The following APBB2 variants were observed in gnomAD, a reference collection of about 807,000 sequenced individuals.
APBB2 encodes Fe65-like 1.
Under a neutral mutation model 82.5 loss-of-function variants are expected in APBB2, and 38 were observed. That is an observed-to-expected ratio of 0.46 (90% confidence interval 0.36 to 0.60). The LOEUF is 0.60. Ranked by LOEUF, APBB2 falls within the 20% of genes least tolerant of loss-of-function variation. The pLI is 0.00. For missense variants in APBB2, 772 were observed against 972.3 expected (o/e 0.79, Z 2.74); for synonymous variants, 341 against 368.2 (o/e 0.93, Z 0.85).
At chr4:40,910,888 A>C (rs556743822) in intron 10 of APBB2, among the ~76,000 whole-genome samples, 8 of 152,374 alleles carry the variant, frequency 5.3e-5, no homozygotes, top group African/African-American at 1.7e-4. Context: ...TGTGGATTCA[A>C]GGGGCTGTGA....
At chr4:41,037,136 T>C (rs1010673927) in intron 4 of APBB2, among the ~76,000 whole-genome samples, 1 of 152,212 alleles carries the variant, frequency 6.6e-6, no homozygotes, top group Non-Finnish European at 1.5e-5. Context: ...TTGGAAAACA[T>C]TTAAGTAGGT....
intron 12 of APBB2, chr4:40,848,966 G>C: frequency 1.1e-6 from 1 of 944,610 alleles, no homozygotes; most frequent in Non-Finnish European, 1.3e-6. Context: ...ATGCGAGCAA[G>C]AACCTTTCTG....
At chr4:41,090,125 A>T (rs1335880116) in intron 3 of APBB2, among the ~76,000 whole-genome samples, 1 of 152,198 alleles carries the variant, frequency 6.6e-6, no homozygotes, top group Non-Finnish European at 1.5e-5. Context: ...AGAAGACATA[A>T]TTTAAAAGAA....
chr4:40,830,632 T>A, intron 12 of APBB2, 55 bp from the exon 13 acceptor site: 1 of 1,046,310 alleles, frequency 9.6e-7, no homozygotes, highest in Non-Finnish European at 1.5e-6. Flanking sequence ...TACCAACACA[T>A]ACTTTAGTTA....
intron 1 of APBB2, among the ~76,000 whole-genome samples, chr4:41,200,395 T>C (rs1414636767): frequency 2.6e-5 from 4 of 152,136 alleles, no homozygotes; most frequent in African/African-American, 9.7e-5. Flanking sequence ...TAAATAAAAT[T>C]AGCCTTTCTC....
chr4:40,899,364 A>G (rs994500959), intron 10 of APBB2, among the ~76,000 whole-genome samples: 1 of 152,174 alleles, frequency 6.6e-6, no homozygotes, highest in African/African-American at 2.4e-5. Flanking sequence ...TCCACAGTGG[A>G]ATTGAGTCAT....
At position 40,816,500 on chromosome 4, in the gene APBB2, C is replaced by T. The variant is rs114919280; in HGVS notation, c.2113-241G>A. Among the ~76,000 whole-genome samples, 776 of 152,320 alleles carry T rather than the reference C, an allele frequency of 5.1e-3. 5 individuals carry two copies. The highest frequency in any genetic ancestry group is 0.018 in the African/African-American group (733 of 41,570). On this transcript the variant is annotated intron_variant, in intron 17 of 17. Coordinates refer to ENST00000508593, the MANE Select transcript of APBB2 (RefSeq NM_004307.2). ...TCCTTCCATCCATTTCCACCCTCCA[C>T]GTGTCCTCTATATTGATAGTCCGCA...
At chr4:40,889,379 C>T (rs1296758562) in intron 12 of APBB2, among the ~76,000 whole-genome samples, 3 of 152,198 alleles carry the variant, frequency 2.0e-5, no homozygotes, top group Non-Finnish European at 2.9e-5. Context: ...TAGACAACAA[C>T]CCCATTAGAG....
Position 40,879,132 on chromosome 4 carries a change from C to T in APBB2, c.1529+11232G>A, listed in dbSNP as rs979606801. Among the ~76,000 whole-genome samples, 8 of 150,844 alleles carry T rather than the reference C, an allele frequency of 5.3e-5. No individual in the cohort carries two copies. In the South Asian group the frequency reaches 6.3e-4, roughly 12 times the overall value. On this transcript the variant is annotated intron_variant, in intron 12 of 17. Coordinates refer to ENST00000508593, the MANE Select transcript of APBB2 (RefSeq NM_004307.2). ...TGAGCCCAAAGTGTGGGTGCTGCTCCGAGGGACTGCAGGGAACATAACTCT... is the reference window on the plus strand; with the variant it reads ...TGAGCCCAAAGTGTGGGTGCTGCTCTGAGGGACTGCAGGGAACATAACTCT...
intron 6 of APBB2, among the ~76,000 whole-genome samples, chr4:40,964,319 C>T (rs1794047022): frequency 6.6e-6 from 1 of 152,050 alleles, no homozygotes; most frequent in Admixed American, 6.6e-5. Flanking sequence ...AGTAAGCTAT[C>T]CCTAAAAAAA....
At chr4:40,954,537 A>T (rs1375089784) in intron 6 of APBB2, among the ~76,000 whole-genome samples, 5 of 152,180 alleles carry the variant, frequency 3.3e-5, no homozygotes, top group Non-Finnish European at 7.3e-5. Flanking sequence ...CATGAGAGTC[A>T]CCTGGAGGGC....
intron 4 of APBB2, among the ~76,000 whole-genome samples, chr4:41,056,922 C>G (rs560650168): frequency 2.0e-5 from 3 of 152,218 alleles, no homozygotes; most frequent in South Asian, 4.1e-4. Context: ...CAGAGTTAGC[C>G]AAGTCATGTT....
At chr4:40,836,874 C>T (rs1754137797) in intron 12 of APBB2, among the ~76,000 whole-genome samples, 2 of 152,296 alleles carry the variant, frequency 1.3e-5, no homozygotes, top group Middle Eastern at 3.4e-3. Flanking sequence ...CTGGAACTTT[C>T]CAAACACACA....
intron 10 of APBB2, among the ~76,000 whole-genome samples, chr4:40,925,113 C>T (rs904750748): frequency 2.0e-5 from 3 of 152,168 alleles, no homozygotes; most frequent in African/African-American, 7.2e-5. Context: ...GAATATGCCC[C>T]CGGAACAACC....
At chr4:40,827,699 CCA>C (rs1387392360) in intron 13 of APBB2, among the ~76,000 whole-genome samples, 1 of 152,170 alleles carries the variant, frequency 6.6e-6, no homozygotes, top group Admixed American at 6.5e-5. Context: ...TCCTGTGTCT[CCA>C]CTGCACACGG....
intron 4 of APBB2, among the ~76,000 whole-genome samples, chr4:41,042,742 G>C (rs1325251737): frequency 6.6e-6 from 1 of 152,058 alleles, no homozygotes; most frequent in Non-Finnish European, 1.5e-5. Context: ...AAGATCAGCA[G>C]ATCTGTCTAC....
intron 5 of APBB2, among the ~76,000 whole-genome samples, chr4:41,016,543 C>T (rs1025218846): frequency 1.3e-5 from 2 of 152,030 alleles, no homozygotes; most frequent in African/African-American, 2.4e-5. Flanking sequence ...TGCCGGTACT[C>T]AGGAGGCTGA....
At chr4:40,955,705 C>A (rs1379678412) in intron 6 of APBB2, among the ~76,000 whole-genome samples, 1 of 152,146 alleles carries the variant, frequency 6.6e-6, no homozygotes, top group Non-Finnish European at 1.5e-5. Flanking sequence ...TGGAGGCCAA[C>A]AGCTTGAGGC....
chr4:40,890,233 A>G lies in APBB2; in HGVS notation c.1529+131T>C. ...GGCAGGGAACTAGAGACAAGCTTTC[A>G]TTTTTCACATTTCTATATAGAAGCT... On this transcript the variant is annotated intron_variant, in intron 12 of 17. Coordinates refer to ENST00000508593, the MANE Select transcript of APBB2 (RefSeq NM_004307.2). 5 of 1,267,352 alleles carry G rather than the reference A, an allele frequency of 3.9e-6. No homozygotes were observed. In the South Asian group the frequency reaches 8.3e-5, roughly 21 times the overall value. The allele number at this position is 1,267,352 out of a possible 1,614,324, so 78.5% of individuals were successfully genotyped here.
Sources: gnomAD v4.1 joint callset for allele counts (sites outside exome capture counted in the v4.1 genomes callset) on GRCh38, gnomAD v4.1.1 for gene constraint, MANE v1.5 for transcripts, NCBI Gene and HGNC (gene_info 2026-07-23, HGNC 2026-07-21) for gene names.